The following RALGPS1 variants were observed in gnomAD, a reference collection of about 807,000 sequenced individuals.
The protein encoded by RALGPS1 is ras-specific guanine nucleotide-releasing factor RalGPS1.
Under a neutral mutation model 78.8 loss-of-function variants are expected in RALGPS1, and 19 were observed. The observed-to-expected ratio is 0.24, with a 90% CI of 0.17 to 0.35. The LOEUF (loss-of-function observed/expected upper bound fraction) is 0.35, where lower values mean the gene tolerates loss of function less well. RALGPS1 is among the 10% of genes least tolerant of loss of function. RALGPS1 has a pLI of 1.00. For synonymous variants in RALGPS1, 228 were observed against 256.3 expected (o/e 0.89, Z 1.06); for missense variants, 454 against 688.3 (o/e 0.66, Z 3.81).
At chr9:127,195,033 G>C in intron 11 of RALGPS1, 58 bp from the exon 12 acceptor site, 4 of 1,595,962 alleles carry the variant, frequency 2.5e-6, no homozygotes, top group Non-Finnish European at 3.4e-6. Context: ...CCCAGCCTGT[G>C]CAGCCCCTCA....
chr9:126,960,802 C>T (rs774929981), intron 1 of RALGPS1, among the ~76,000 whole-genome samples: 1 of 152,112 alleles, frequency 6.6e-6, no homozygotes, highest in Middle Eastern at 3.2e-3. Context: ...CCCAAATCTG[C>T]TATGTCACCT....
At chr9:127,001,263 G>GGTGA (rs1451164478) in intron 4 of RALGPS1, among the ~76,000 whole-genome samples, 2 of 150,894 alleles carry the variant, frequency 1.3e-5, no homozygotes, top group African/African-American at 4.9e-5. Flanking sequence ...CTCAAGCCTG[G>GGTGA]GTGACAGAGC....
intron 7 of RALGPS1, among the ~76,000 whole-genome samples, chr9:127,066,783 G>A (rs1312065609): frequency 1.3e-5 from 2 of 151,984 alleles, no homozygotes; most frequent in Non-Finnish European, 2.9e-5. Flanking sequence ...AGCTTTCCTT[G>A]ACACTTCCTT....
chr9:127,153,290 T>C (rs1217931041), intron 8 of RALGPS1, among the ~76,000 whole-genome samples: 1 of 152,034 alleles, frequency 6.6e-6, no homozygotes, highest in Non-Finnish European at 1.5e-5. Flanking sequence ...AACCCTCTTT[T>C]GTCTCACTCA....
intron 11 of RALGPS1, among the ~76,000 whole-genome samples, chr9:127,188,855 C>T (rs1326690753): frequency 1.2e-5 from 1 of 83,044 alleles, no homozygotes; most frequent in Non-Finnish European, 2.6e-5. Context: ...AAAAATGTAG[C>T]CAGGCATTGT....
At chr9:127,216,942 A>C (rs2062620776) in intron 18 of RALGPS1, 3 of 1,548,136 alleles carry the variant, frequency 1.9e-6, no homozygotes, top group Non-Finnish European at 2.6e-6. Context: ...AGGAACTGAC[A>C]GCCACGAGGT....
At chr9:127,171,011 A>G (rs1357084372) in intron 10 of RALGPS1, among the ~76,000 whole-genome samples, 1 of 152,210 alleles carries the variant, frequency 6.6e-6, no homozygotes, top group Non-Finnish European at 1.5e-5. Context: ...CTCCTCACCC[A>G]CAAGGATGCA....
chr9:127,045,006 G>A (rs1463289264), intron 5 of RALGPS1, among the ~76,000 whole-genome samples: 1 of 152,182 alleles, frequency 6.6e-6, no homozygotes, highest in East Asian at 1.9e-4. Context: ...TAAAGCTATA[G>A]AGATGATAAA....
intron 8 of RALGPS1, among the ~76,000 whole-genome samples, chr9:127,117,827 G>A (rs1025409424): frequency 7.9e-5 from 12 of 152,228 alleles, no homozygotes; most frequent in Admixed American, 5.9e-4. Flanking sequence ...ACCTCAGGCA[G>A]GACTTTAAGG....
At position 127,033,919 on chromosome 9, in the gene RALGPS1, G is replaced by A. The variant is rs575825821; in HGVS notation, c.217-512G>A. 4.6e-5 allele frequency among the ~76,000 whole-genome samples: 7 copies of A among 152,310 alleles called. No homozygotes were observed. In the South Asian group the frequency reaches 1.4e-3, roughly 32 times the overall value. On this transcript the variant is annotated intron_variant, in intron 4 of 18. Transcript: ENST00000259351. ...TTTGGTTATATGAGGGATTGGAGGG[G>A]CCAACTTCAGGACAGAATCTGAGGT... is the stretch of plus-strand genomic sequence containing the variant.
intron 1 of RALGPS1, among the ~76,000 whole-genome samples, chr9:126,943,821 G>C (rs1419242163): frequency 6.6e-6 from 1 of 152,216 alleles, no homozygotes; most frequent in African/African-American, 2.4e-5. Context: ...GGACCAGGCT[G>C]TTCATTATGA....
At chr9:127,094,850 G>A (rs569180852) in intron 8 of RALGPS1, among the ~76,000 whole-genome samples, 10 of 152,332 alleles carry the variant, frequency 6.6e-5, no homozygotes, top group South Asian at 4.1e-4. Context: ...AGCCCAGTCA[G>A]AAGGAATGGG....
chr9:127,057,598 T>C (rs1298277079), intron 7 of RALGPS1, among the ~76,000 whole-genome samples: 3 of 152,140 alleles, frequency 2.0e-5, no homozygotes, highest in African/African-American at 7.2e-5. Context: ...CCTGGAAAAA[T>C]GCAGATGGGT....
At chr9:126,961,629 C>T (rs931594942) in intron 1 of RALGPS1, among the ~76,000 whole-genome samples, 4 of 152,240 alleles carry the variant, frequency 2.6e-5, no homozygotes, top group Non-Finnish European at 5.9e-5. Context: ...ATAGCAAGAC[C>T]CCACCTCCAC....
At chr9:127,038,855 A>G (rs2134856117) in intron 5 of RALGPS1, among the ~76,000 whole-genome samples, 1 of 152,298 alleles carries the variant, frequency 6.6e-6, no homozygotes, top group African/African-American at 2.4e-5. Flanking sequence ...GGCACAAGAA[A>G]ATATTAGAAG....
chr9:126,964,091 C>T (rs1404557836), intron 2 of RALGPS1, among the ~76,000 whole-genome samples: 1 of 152,088 alleles, frequency 6.6e-6, no homozygotes, highest in Admixed American at 6.5e-5. Context: ...GGTGTGGTGG[C>T]TCATGCTTGT....
intron 8 of RALGPS1, among the ~76,000 whole-genome samples, chr9:127,138,513 G>T (rs1162419478): frequency 1.3e-5 from 2 of 152,094 alleles, no homozygotes; most frequent in Non-Finnish European, 2.9e-5. Flanking sequence ...GAACCATCCT[G>T]GGCACACACT....
At chr9:127,187,869 C>T (rs1043941488) in intron 11 of RALGPS1, among the ~76,000 whole-genome samples, 2 of 152,102 alleles carry the variant, frequency 1.3e-5, no homozygotes, top group African/African-American at 4.8e-5. Flanking sequence ...TGTGTTGCAG[C>T]GCTTTGAGCA....
intron 14 of RALGPS1, among the ~76,000 whole-genome samples, chr9:127,203,916 G>T (rs2061786477): frequency 6.6e-6 from 1 of 152,178 alleles, no homozygotes; most frequent in Non-Finnish European, 1.5e-5. Flanking sequence ...CCCAGGGCTT[G>T]GTGTCTGTTA....
Sources: gnomAD v4.1 joint callset for allele counts (sites outside exome capture counted in the v4.1 genomes callset) on GRCh38, gnomAD v4.1.1 for gene constraint, MANE v1.5 for transcripts, NCBI Gene and HGNC (gene_info 2026-07-23, HGNC 2026-07-21) for gene names.